EPRS1: variants seen among roughly 807,000 people sequenced by gnomAD.
EPRS1 encodes the protein bifunctional glutamate/proline--tRNA ligase.
A neutral mutation model predicts 188.3 loss-of-function variants in EPRS1; 107 were observed. The ratio of observed to expected loss-of-function variants is 0.57; its 90% CI spans 0.49 to 0.67. The LOEUF is 0.67. Among genes scored for constraint, EPRS1 ranks in the 30% least tolerant of loss-of-function variants. The pLI is 0.00. For synonymous variants in EPRS1, 596 were observed against 593.1 expected (o/e 1.00, Z -0.07); for missense variants, 1,577 against 1,802.2 (o/e 0.88, Z 2.26).
At chr1:219,988,528 A>G in intron 19 of EPRS1, 62 bp downstream of exon 19, 2 of 1,109,736 alleles carry the variant, frequency 1.8e-6, no homozygotes, top group Admixed American at 2.0e-5. Flanking sequence ...AAAACACTTG[A>G]GGCAAAGACA....
chr1:219,981,255 T>G (rs1037437009), intron 24 of EPRS1, 123 bp downstream of exon 24: 1 of 599,068 alleles, frequency 1.7e-6, no homozygotes, highest in Non-Finnish European at 2.8e-6. Flanking sequence ...ACAATTTATC[T>G]TAAATACTTC....
At chr1:220,024,483 C>CAGT (rs1237700911) in intron 7 of EPRS1, 27 bp from the exon 8 acceptor site, 1 of 1,538,030 alleles carries the variant, frequency 6.5e-7, no homozygotes, top group Non-Finnish European at 8.8e-7. Flanking sequence ...AAATAACCAT[C>CAGT]AGTATATCTT....
intron 2 of EPRS1, among the ~76,000 whole-genome samples, chr1:220,035,245 G>A (rs781236018): frequency 6.6e-6 from 1 of 152,136 alleles, no homozygotes; most frequent in Non-Finnish European, 1.5e-5. Context: ...CTGCCTCCAG[G>A]GTTCAAGCAA....
intron 6 of EPRS1, among the ~76,000 whole-genome samples, chr1:220,028,368 A>G (rs181806964): frequency 6.6e-6 from 1 of 152,326 alleles, no homozygotes; most frequent in East Asian, 1.9e-4. Flanking sequence ...AACAATTCCA[A>G]ACCTCAAGAA....
chr1:220,040,719 G>A (rs1004273974), intron 1 of EPRS1, among the ~76,000 whole-genome samples: 1 of 151,782 alleles, frequency 6.6e-6, no homozygotes, highest in Admixed American at 6.6e-5. Flanking sequence ...TCATGGTGGC[G>A]CATGCCTGTA....
chr1:220,039,021 T>A (rs1175000168), intron 2 of EPRS1, among the ~76,000 whole-genome samples: 1 of 152,120 alleles, frequency 6.6e-6, no homozygotes, highest in Non-Finnish European at 1.5e-5. Context: ...ATGAGGAAAT[T>A]CTAGAAAGTC....
chr1:220,038,743 A>C (rs1328403454), intron 2 of EPRS1, among the ~76,000 whole-genome samples: 2 of 152,106 alleles, frequency 1.3e-5, no homozygotes, highest in African/African-American at 4.8e-5. Context: ...AGCAAAGTAA[A>C]TCATCAGAAT....
At chr1:219,976,544 T>C (rs1415007696) in intron 28 of EPRS1, among the ~76,000 whole-genome samples, 1 of 152,162 alleles carries the variant, frequency 6.6e-6, no homozygotes, top group East Asian at 1.9e-4. Context: ...GTTTGCAGGG[T>C]GATGGAGCAT....
In EPRS1 at chr1:219,987,544, G is replaced by A. The variant is rs1661029601; in HGVS notation, c.2776-140C>T. ...GGGGAATGTGCCCAGGTGGTGATAA[G>A]GTTTGAGGGAGGCATATCTCACATA... On this transcript the variant is annotated intron_variant, in intron 19 of 31. Transcript: ENST00000366923. 4 of 681,924 alleles carry A rather than the reference G, an allele frequency of 5.9e-6. No individual in the cohort carries two copies. The African/African-American group carries it at 7.3e-5, about 12-fold the overall frequency. The allele number at this position is 681,924 out of a possible 1,614,324, so 42.2% of individuals were successfully genotyped here. A position where few individuals can be genotyped will look rare whatever the true frequency, so the allele number is the denominator to read the frequency against.
At chr1:219,992,370 C>G (rs1001617043) in intron 18 of EPRS1, among the ~76,000 whole-genome samples, 1 of 152,184 alleles carries the variant, frequency 6.6e-6, no homozygotes, top group Non-Finnish European at 1.5e-5. Context: ...AGAGAGAGAA[C>G]ATTAGTGACA....
At chr1:219,989,428 T>C (rs1002028793) in intron 18 of EPRS1, among the ~76,000 whole-genome samples, 1 of 151,310 alleles carries the variant, frequency 6.6e-6, no homozygotes, top group South Asian at 2.1e-4. Context: ...CAGAGAATGA[T>C]AGCAACACAG....
rs1354474941 is a variant in EPRS1, at chr1:220,046,473, C to T, written c.-85G>A. ...ACCCCGCGAAAGGAAGAAGATGCAA[C>T]GTGTGCGCGTACCCGACGCCGCCGC... is the stretch of plus-strand genomic sequence containing the variant. On this transcript the variant is annotated 5_prime_UTR_variant, in exon 1 of 32. Coordinates refer to ENST00000366923, the MANE Select transcript of EPRS1 (RefSeq NM_004446.3). 6.4e-6 allele frequency: 10 copies of T among 1,567,802 alleles called. No individual in the cohort carries two copies. The highest frequency in any genetic ancestry group is 1.2e-5 in the South Asian group (1 of 86,534).
intron 1 of EPRS1, among the ~76,000 whole-genome samples, chr1:220,043,121 G>T (rs1442622387): frequency 6.6e-6 from 1 of 152,164 alleles, no homozygotes; most frequent in African/African-American, 2.4e-5. Flanking sequence ...TAGGTGCTAG[G>T]AGTAGGGAAA....
At chr1:219,982,510 G>A (rs1359283534) in intron 23 of EPRS1, 7 of 293,652 alleles carry the variant, frequency 2.4e-5, no homozygotes, top group Admixed American at 5.0e-5. Context: ...AAAACTCCTT[G>A]AAAAGTCCTA....
chr1:219,985,005 T>C (rs1326473188), intron 20 of EPRS1, among the ~76,000 whole-genome samples: 13 of 149,364 alleles, frequency 8.7e-5, no homozygotes, highest in Non-Finnish European at 1.3e-4. Context: ...GATTGCGCCA[T>C]TGCACTCCAG....
intron 8 of EPRS1, among the ~76,000 whole-genome samples, chr1:220,023,571 T>C (rs1661916014): frequency 6.6e-6 from 1 of 152,218 alleles, no homozygotes; most frequent in Non-Finnish European, 1.5e-5. Flanking sequence ...TTGTACTATA[T>C]ATTATATTCA....
At chr1:220,041,435 C>T (rs6670629) in intron 1 of EPRS1, among the ~76,000 whole-genome samples, 93 of 152,260 alleles carry the variant, frequency 6.1e-4, no homozygotes, top group African/African-American at 2.2e-3. Flanking sequence ...AAATATATAG[C>T]AGTCAGGATC....
In EPRS1 at chr1:220,024,248, A is replaced by C. The variant is rs1279740166; in HGVS notation, c.943+16T>G. 2 of 1,512,130 alleles carry C rather than the reference A, an allele frequency of 1.3e-6. No individual in the cohort carries two copies. The highest frequency in any genetic ancestry group is 1.8e-6 in the Non-Finnish European group (2 of 1,121,964). 93.7% of individuals were successfully genotyped at this position (1,512,130 alleles called of 1,614,324 possible). ...ATATAAGAATATCAATTAAAATATAAAACAATGTGGCTTACGGTTTTTTCT... is the reference window on the plus strand; with the variant it reads ...ATATAAGAATATCAATTAAAATATACAACAATGTGGCTTACGGTTTTTTCT... On this transcript the variant is annotated intron_variant, in intron 8 of 31. Transcript: ENST00000366923.
intron 16 of EPRS1, among the ~76,000 whole-genome samples, chr1:220,002,008 G>C (rs992812516): frequency 1.3e-5 from 2 of 149,448 alleles, no homozygotes; most frequent in African/African-American, 2.5e-5. Context: ...CAGCCTGCGT[G>C]ACAGAGTGAG....
Sources: allele counts gnomAD v4.1 joint callset (sites outside exome capture counted in the v4.1 genomes callset), GRCh38; gene constraint gnomAD v4.1.1; transcripts MANE v1.5; gene names NCBI Gene and HGNC (gene_info 2026-07-23, HGNC 2026-07-21).